The following CA10 variants were observed in gnomAD, a reference collection of about 807,000 sequenced individuals.
CA10 encodes the protein carbonic anhydrase-related protein 10.
Under a neutral mutation model 44.2 loss-of-function variants are expected in CA10, and 14 were observed. That is an observed-to-expected ratio of 0.32 (90% confidence interval 0.21 to 0.50). The LOEUF (loss-of-function observed/expected upper bound fraction) is 0.50, where lower values mean the gene tolerates loss of function less well. Ranked by LOEUF, CA10 falls within the 20% of genes least tolerant of loss-of-function variation. The probability of loss-of-function intolerance (pLI) is 0.99; values close to 1 mark genes in which losing one functional copy is unlikely to be tolerated. For missense variants in CA10, 350 were observed against 409.7 expected, an observed-to-expected ratio of 0.85 and a Z score of 1.26; for synonymous variants, 159 against 141.6, an observed-to-expected ratio of 1.12 and a Z score of -0.87.
At chr17:51,665,187 C>T (rs1476446556) in intron 4 of CA10, among the ~76,000 whole-genome samples, 1 of 152,120 alleles carries the variant, frequency 6.6e-6, no homozygotes, top group East Asian at 1.9e-4. Context: ...CAAAACTAGG[C>T]TTGGTTTTGT....
At chr17:51,696,951 T>A (rs886140838) in intron 4 of CA10, among the ~76,000 whole-genome samples, 1 of 152,210 alleles carries the variant, frequency 6.6e-6, no homozygotes, top group Non-Finnish European at 1.5e-5. Flanking sequence ...ATCCCATAGA[T>A]TGATATGTAT....
At chr17:51,851,636 A>C (rs538242835) in intron 3 of CA10, among the ~76,000 whole-genome samples, 1 of 152,334 alleles carries the variant, frequency 6.6e-6, no homozygotes, top group South Asian at 2.1e-4. Context: ...TTTCCTGAAC[A>C]GATTTGAAGC....
At chr17:51,817,709 G>A (rs1179479282) in intron 3 of CA10, among the ~76,000 whole-genome samples, 1 of 152,158 alleles carries the variant, frequency 6.6e-6, no homozygotes, top group East Asian at 1.9e-4. Context: ...CATGCATGGG[G>A]CAGAAGACCA....
intron 3 of CA10, among the ~76,000 whole-genome samples, chr17:51,909,025 T>C (rs1981682148): frequency 6.6e-6 from 1 of 152,162 alleles, no homozygotes; most frequent in African/African-American, 2.4e-5. Context: ...AAGCCAGAGA[T>C]AGAGCTGCTT....
At chr17:51,655,950 A>G (rs901252332) in intron 4 of CA10, among the ~76,000 whole-genome samples, 3 of 152,152 alleles carry the variant, frequency 2.0e-5, no homozygotes, top group South Asian at 2.1e-4. Flanking sequence ...CCTCCGCAGG[A>G]CTTTTAATCC....
At chr17:52,029,054 T>C (rs1217996436) in intron 2 of CA10, among the ~76,000 whole-genome samples, 4 of 152,216 alleles carry the variant, frequency 2.6e-5, no homozygotes, top group African/African-American at 7.2e-5. Context: ...GGTGCTATCA[T>C]AGCCCAAATA....
chr17:52,082,281 A>G (rs1477367137), intron 1 of CA10, among the ~76,000 whole-genome samples: 1 of 152,160 alleles, frequency 6.6e-6, no homozygotes, highest in Non-Finnish European at 1.5e-5. Flanking sequence ...TTAATGATAA[A>G]AGGTCCTTAG....
rs566940049 is a variant in CA10, at chr17:51,672,853, C to T, written c.466-19117G>A. On this transcript the variant is annotated intron_variant, in intron 4 of 8. Coordinates refer to ENST00000451037, the MANE Select transcript of CA10 (RefSeq NM_020178.5). The stretch of plus-strand genomic sequence containing the variant: ...CTCACCCTGCCAGTCTCAGTCTTCT[C>T]CCGGAAAAGTTAAAATGAGTTCCCT... 7.2e-5 allele frequency among the ~76,000 whole-genome samples: 11 copies of T among 152,270 alleles called. No individual in the cohort carries two copies. The East Asian group carries it at 2.1e-3, about 29-fold the overall frequency.
intron 3 of CA10, among the ~76,000 whole-genome samples, chr17:51,804,206 A>C (rs1460485551): frequency 6.6e-6 from 1 of 152,216 alleles, no homozygotes; most frequent in Admixed American, 6.5e-5. Context: ...AAGCCTATTA[A>C]AAAATACAAA....
chr17:51,749,970 C>G (rs1187080296), intron 3 of CA10, among the ~76,000 whole-genome samples: 2 of 152,152 alleles, frequency 1.3e-5, no homozygotes, highest in African/African-American at 4.8e-5. Flanking sequence ...TCCTTGCAAC[C>G]AAATGATCCA....
chr17:51,702,780 G>T (rs1286026203), intron 4 of CA10, among the ~76,000 whole-genome samples: 3 of 116,142 alleles, frequency 2.6e-5, no homozygotes, highest in South Asian at 2.9e-4. Context: ...GTGTCCAGAG[G>T]GTCCCTGGTT....
At chr17:51,874,798 T>C (rs963377467) in intron 3 of CA10, among the ~76,000 whole-genome samples, 17 of 152,134 alleles carry the variant, frequency 1.1e-4, no homozygotes, top group African/African-American at 2.7e-4. Flanking sequence ...TCAGCATCTA[T>C]TTCTATTACT....
chr17:51,653,304 G>A (rs2143283998), intron 5 of CA10, among the ~76,000 whole-genome samples: 1 of 152,308 alleles, frequency 6.6e-6, no homozygotes, highest in East Asian at 1.9e-4. Context: ...GGGCATTAGT[G>A]AGCCACCCAC....
intron 4 of CA10, among the ~76,000 whole-genome samples, chr17:51,736,144 G>T (rs1214915931): frequency 1.3e-5 from 2 of 152,204 alleles, no homozygotes; most frequent in African/African-American, 4.8e-5. Context: ...TCCCATTAAT[G>T]AGGAAATTGG....
chr17:52,143,543 G>A (rs1034794780), intron 1 of CA10, among the ~76,000 whole-genome samples: 7 of 152,120 alleles, frequency 4.6e-5, no homozygotes, highest in African/African-American at 1.7e-4. Flanking sequence ...AAATAATCCA[G>A]TGGGAACTAA....
chr17:51,857,567 T>C (rs1979105079), intron 3 of CA10, among the ~76,000 whole-genome samples: 1 of 152,184 alleles, frequency 6.6e-6, no homozygotes, highest in Admixed American at 6.6e-5. Flanking sequence ...GCCCAATTTA[T>C]CTGTCATGAT....
At chr17:51,781,764 C>A (rs1470124495) in intron 3 of CA10, among the ~76,000 whole-genome samples, 1 of 152,170 alleles carries the variant, frequency 6.6e-6, no homozygotes, top group South Asian at 2.1e-4. Context: ...ATAGACTTTG[C>A]TGTTAGAACA....
intron 1 of CA10, among the ~76,000 whole-genome samples, chr17:52,089,415 C>T (rs1598208720): frequency 1.3e-5 from 2 of 152,242 alleles, no homozygotes; most frequent in East Asian, 3.9e-4. Flanking sequence ...ATAAAAATAG[C>T]TAACATTTAA....
chr17:51,769,436 C>T (rs981410259), intron 3 of CA10, among the ~76,000 whole-genome samples: 4 of 151,928 alleles, frequency 2.6e-5, no homozygotes, highest in South Asian at 2.1e-4. Flanking sequence ...TGCAAAGGGA[C>T]GTAGTGAAAT....
Sources: allele counts gnomAD v4.1 joint callset (sites outside exome capture counted in the v4.1 genomes callset), GRCh38; gene constraint gnomAD v4.1.1; transcripts MANE v1.5; gene names NCBI Gene and HGNC (gene_info 2026-07-23, HGNC 2026-07-21).